ACADSB: variants seen among roughly 807,000 people sequenced by gnomAD.
ACADSB encodes the protein short/branched chain specific acyl-CoA dehydrogenase, mitochondrial.
ACADSB carries 40 observed loss-of-function variants against 54.1 expected under a neutral mutation model. The ratio of observed to expected loss-of-function variants is 0.74; its 90% CI spans 0.57 to 0.96. The LOEUF (loss-of-function observed/expected upper bound fraction) is 0.96, where lower values mean the gene tolerates loss of function less well. Among genes scored for constraint, ACADSB ranks in the 40% least tolerant of loss-of-function variants. The pLI is 0.00. For synonymous variants in ACADSB, 182 were observed against 182.8 expected, an observed-to-expected ratio of 1.00 and a Z score of 0.03; for missense variants, 530 against 510.4, an observed-to-expected ratio of 1.04 and a Z score of -0.37.
intron 8 of ACADSB, 63 bp downstream of exon 8, chr10:123,047,361 C>A (rs766757523): frequency 2.5e-6 from 3 of 1,187,466 alleles, no homozygotes; most frequent in Non-Finnish European, 3.8e-6. Context: ...TAATGAAGGG[C>A]TGTGTTGAAA....
At chr10:123,051,010 T>G (rs565672481) in intron 8 of ACADSB, 39 bp from the exon 9 acceptor site, 1 of 1,605,570 alleles carries the variant, frequency 6.2e-7, no homozygotes, top group Non-Finnish European at 8.5e-7. Flanking sequence ...CTTGCTTTTT[T>G]GAAATCATAA....
At chr10:123,035,504 C>T (rs1850386145) in intron 2 of ACADSB, among the ~76,000 whole-genome samples, 1 of 152,178 alleles carries the variant, frequency 6.6e-6, no homozygotes, top group South Asian at 2.1e-4. Flanking sequence ...TTTTCTATTG[C>T]TTGGTATTGA....
At chr10:123,031,529 C>G (rs1850326985) in intron 1 of ACADSB, among the ~76,000 whole-genome samples, 1 of 152,114 alleles carries the variant, frequency 6.6e-6, no homozygotes, top group Non-Finnish European at 1.5e-5. Context: ...AGGCTGAGGT[C>G]AACACTGAAG....
rs1469073026 is a variant in ACADSB, at chr10:123,056,352, A to T, written c.*2587A>T. On this transcript the variant is annotated 3_prime_UTR_variant, in exon 11 of 11. Transcript: ENST00000358776. ...CAAGAGAAAATGAAGAAGAAGCAAAAGTGGAAACCCCTGATAAACCCATCA... is the reference window on the plus strand; with the variant it reads ...CAAGAGAAAATGAAGAAGAAGCAAATGTGGAAACCCCTGATAAACCCATCA... 1 of 230,280 alleles carries T rather than the reference A, an allele frequency of 4.3e-6. No individual in the cohort carries two copies. Among genetic ancestry groups the T allele is most frequent in the East Asian group, 1.5e-4 (1 of 6,562 alleles). The allele number at this position is 230,280 out of a possible 1,614,324, so 14.3% of individuals were successfully genotyped here. A position where few individuals can be genotyped will look rare whatever the true frequency, so the allele number is the denominator to read the frequency against.
intron 5 of ACADSB, among the ~76,000 whole-genome samples, chr10:123,041,961 C>A (rs1035528097): frequency 1.6e-5 from 2 of 122,544 alleles, no homozygotes; most frequent in African/African-American, 3.0e-5. Flanking sequence ...AATCTTTTTT[C>A]TTTTCTTTTT....
Position 123,044,422 on chromosome 10 carries a change from T to G in ACADSB, c.837T>G (p.Ile279Met). 6.2e-7 allele frequency: 1 copy of G among 1,613,932 alleles called. No homozygotes were observed. Among genetic ancestry groups the G allele is most frequent in the Non-Finnish European group, 8.5e-7 (1 of 1,179,832 alleles). The change falls in exon 7 of 11, where the codon ATT (isoleucine) becomes ATG (methionine). Residue 279 changes from isoleucine (I) to methionine (M), a missense_variant. By Grantham distance (10) the Ile-to-Met change is conservative (BLOSUM62 1). Transcript: ENST00000358776. ...KVPEANILGQ[I>M]GHGYKYAIGS... ...CAGAAGCCAATATCTTGGGACAAATTGGACATGGCTATAAGTATGCCATAG... is the reference window on the plus strand; with the variant it reads ...CAGAAGCCAATATCTTGGGACAAATGGGACATGGCTATAAGTATGCCATAG...
chr10:123,020,832 G>A (rs889488970), intron 1 of ACADSB, among the ~76,000 whole-genome samples: 3 of 152,130 alleles, frequency 2.0e-5, no homozygotes, highest in Non-Finnish European at 2.9e-5. Context: ...GTGAAACCCC[G>A]TCTCTACTAA....
rs200171884 is a variant in ACADSB at position 123,016,857 on chromosome 10, AAAAC to A, written c.42+7791_42+7794del. On this transcript the variant is annotated intron_variant, in intron 1 of 10. Transcript: ENST00000358776. ...CATACAGAATTTGTGTCACATAAAAAAAACAAACCTGTGAGAGCAGAAGCGGTGT... is the reference window on the plus strand; with the variant it reads ...CATACAGAATTTGTGTCACATAAAAAAAACCTGTGAGAGCAGAAGCGGTGT... 2.6e-5 allele frequency among the ~76,000 whole-genome samples: 4 copies of A among 152,238 alleles called. No individual in the cohort carries two copies. In the East Asian group the frequency reaches 5.8e-4, roughly 22 times the overall value.
intron 1 of ACADSB, among the ~76,000 whole-genome samples, chr10:123,033,854 A>G (rs1218206628): frequency 1.3e-5 from 2 of 152,178 alleles, no homozygotes; most frequent in African/African-American, 4.8e-5. Context: ...CTGAAAAAAA[A>G]AATTAGCCAC....
chr10:123,018,129 T>C (rs1293783007), intron 1 of ACADSB, among the ~76,000 whole-genome samples: 1 of 152,178 alleles, frequency 6.6e-6, no homozygotes, highest in Non-Finnish European at 1.5e-5. Context: ...AGGAAGTCTG[T>C]TCAGCTGGTT....
At chr10:123,049,038 G>T (rs189663007) in intron 8 of ACADSB, among the ~76,000 whole-genome samples, 7 of 152,166 alleles carry the variant, frequency 4.6e-5, no homozygotes, top group Non-Finnish European at 8.8e-5. Context: ...TAAAAATTTT[G>T]TGGGTACACA....
intron 1 of ACADSB, among the ~76,000 whole-genome samples, chr10:123,019,435 G>A (rs1269290702): frequency 6.6e-6 from 1 of 152,216 alleles, no homozygotes; most frequent in Non-Finnish European, 1.5e-5. Flanking sequence ...TCAATAACAA[G>A]GATGACGCCA....
chr10:123,022,075 C>T (rs1850191767), intron 1 of ACADSB, among the ~76,000 whole-genome samples: 1 of 152,194 alleles, frequency 6.6e-6, no homozygotes, highest in Non-Finnish European at 1.5e-5. Context: ...TTTAAGTATA[C>T]ATATAGCTTG....
Position 123,026,368 on chromosome 10 carries a change from A to G in ACADSB, c.43-7988A>G, listed in dbSNP as rs1259666136. On this transcript the variant is annotated intron_variant, in intron 1 of 10. Coordinates refer to ENST00000358776, the MANE Select transcript of ACADSB (RefSeq NM_001609.4). ...TCTATAGTTAGTTCAGAGCCCCTCT[A>G]TCATCACCATTTAACCTGGTTGGTT... Among the ~76,000 whole-genome samples the G allele has an allele frequency of 3.9e-5, 6 of 152,204 alleles. No individual in the cohort carries two copies. In the East Asian group the frequency reaches 7.7e-4, roughly 20 times the overall value.
intron 8 of ACADSB, among the ~76,000 whole-genome samples, chr10:123,048,832 C>T (rs1194466334): frequency 6.6e-6 from 1 of 151,986 alleles, no homozygotes; most frequent in East Asian, 1.9e-4. Flanking sequence ...AGGTTCACAC[C>T]ATTCTCCTGC....
chr10:123,040,323 C>T (rs1850453355), intron 3 of ACADSB, 143 bp from the exon 4 acceptor site: 9 of 750,512 alleles, frequency 1.2e-5, no homozygotes, highest in Non-Finnish European at 1.1e-5. Context: ...TGCACTCCAG[C>T]CTGGGAGACG....
At chr10:123,027,716 C>T (rs7912404) in intron 1 of ACADSB, 212,697 of 289,220 alleles carry the variant, frequency 0.74, 80,336 homozygotes, top group Non-Finnish European at 0.83. Flanking sequence ...GTGTGTATGG[C>T]CCCTTGGCAG....
In ACADSB at chr10:123,037,716, A is replaced by G. The variant is rs763532886; in HGVS notation, c.203-31A>G. Reference sequence around the variant, plus strand: ...CTATTAATGTGACTGTCACTTTAACATAGACTTATCAGTAATTCTTTTTCC... The same window carrying G: ...CTATTAATGTGACTGTCACTTTAACGTAGACTTATCAGTAATTCTTTTTCC... On this transcript the variant is annotated intron_variant, in intron 2 of 10. Coordinates refer to ENST00000358776, the MANE Select transcript of ACADSB (RefSeq NM_001609.4). The G allele has an allele frequency of 1.4e-5, 20 of 1,474,894 alleles. No homozygotes were observed. The Admixed American group carries it at 2.7e-4, about 20-fold the overall frequency. 91.4% of individuals were successfully genotyped at this position (1,474,894 alleles called of 1,614,324 possible).
intron 1 of ACADSB, among the ~76,000 whole-genome samples, chr10:123,023,026 A>G (rs571945732): frequency 1.2e-4 from 19 of 152,252 alleles, no homozygotes; most frequent in Non-Finnish European, 2.1e-4. Context: ...TTTAATAGCC[A>G]GTGAACATCC....
Sources: allele counts gnomAD v4.1 joint callset (sites outside exome capture counted in the v4.1 genomes callset), GRCh38; gene constraint gnomAD v4.1.1; transcripts MANE v1.5; gene names NCBI Gene and HGNC (gene_info 2026-07-23, HGNC 2026-07-21).